A2M: variants seen among roughly 807,000 people sequenced by gnomAD.
The protein encoded by A2M is alpha-2-macroglobulin.
Under a neutral mutation model 183.9 loss-of-function variants are expected in A2M, and 128 were observed. The ratio of observed to expected loss-of-function variants is 0.70; its 90% CI spans 0.60 to 0.81. A2M has a LOEUF of 0.81. A2M is among the 30% of genes least tolerant of loss of function. The pLI is 0.00. For missense variants in A2M, 1,495 were observed against 1,787.6 expected (o/e 0.84, Z 2.95); for synonymous variants, 592 against 670.8 (o/e 0.88, Z 1.81).
Position 9,079,744 on chromosome 12 carries a change from T to G in A2M, c.2926A>C (p.Asn976His). 6.2e-7 allele frequency: 1 copy of G among 1,613,746 alleles called. No homozygotes were observed. The highest frequency in any genetic ancestry group is 1.3e-5 in the African/African-American group (1 of 75,040). ...ATGTTAGGAGCAAAGAGGACCATAT[T>G]CTGCTCTCCACAGCCATAGGGCATC... The part of the protein sequence containing the change: ...LQMPYGCGEQ[N>H]MVLFAPNIYV... Residue 976 changes from asparagine (N) to histidine (H), a missense_variant, in exon 24 of 36, where the codon AAT becomes CAT. Transcript: ENST00000318602.
intron 22 of A2M, 70 bp from the exon 23 acceptor site, chr12:9,080,247 C>T (rs1418460114): frequency 3.1e-5 from 34 of 1,094,298 alleles, no homozygotes; most frequent in Non-Finnish European, 4.5e-5. Context: ...AGCTCTATGA[C>T]CCAGAAGCTA....
Position 9,091,351 on chromosome 12 carries a change from A to G in A2M, c.2319T>C (p.Ser773=), listed in dbSNP as rs773305835. 10 of 1,614,068 alleles carry G rather than the reference A, an allele frequency of 6.2e-6. No homozygotes were observed. The highest frequency in any genetic ancestry group is 3.3e-5 in the Admixed American group (2 of 60,006). The change falls in exon 19 of 36, where the codon TCT becomes TCC. Residue 773 remains serine (S), a synonymous_variant. Coordinates refer to ENST00000318602, the MANE Select transcript of A2M (RefSeq NM_000014.6). ...TEWKAGAFCL[S]EDAGLGISST... ...AAGAGATACCAAGTCCAGCATCTTC[A>G]GACAGGCAGAAGGCCCCTGCCTTCC...
At position 9,068,776 on chromosome 12, in the gene A2M, G is replaced by T. The variant is rs2137612235; in HGVS notation, c.4330C>A (p.Pro1444Thr). ...LQDVPVRDLK[P>T]AIVKVYDYYE... ...TAATCATAGACTTTCACTATGGCTG[G>T]TTTCAGATCTCTTACTGGGACATCT... Residue 1444 changes from proline to threonine, a missense_variant, in exon 34 of 36, where the codon CCA (proline) becomes ACA (threonine). By Grantham distance (38) the Pro-to-Thr change is conservative (BLOSUM62 -1). Transcript: ENST00000318602. The T allele has an allele frequency of 1.2e-6, 2 of 1,609,068 alleles. No individual in the cohort carries two copies. Among genetic ancestry groups the T allele is most frequent in the East Asian group, 2.2e-5 (1 of 44,810 alleles).
chr12:9,092,485 G>A (rs996409750), intron 18 of A2M, among the ~76,000 whole-genome samples: 6 of 152,152 alleles, frequency 3.9e-5, no homozygotes, highest in Admixed American at 2.6e-4. Flanking sequence ...TAAGGGTTGG[G>A]CTTCTAAACA....
chr12:9,084,131 C>T (rs1294626941), intron 22 of A2M, among the ~76,000 whole-genome samples: 4 of 152,034 alleles, frequency 2.6e-5, no homozygotes, highest in Non-Finnish European at 4.4e-5. Context: ...AAAACATTCC[C>T]AGACAAACTA....
chr12:9,090,718 G>A (rs1323406152), intron 19 of A2M, among the ~76,000 whole-genome samples: 2 of 152,168 alleles, frequency 1.3e-5, no homozygotes, highest in Non-Finnish European at 2.9e-5. Flanking sequence ...GGGACCAGAG[G>A]AAGGGAAAGG....
intron 29 of A2M, among the ~76,000 whole-genome samples, 158 bp downstream of exon 29, chr12:9,074,402 A>G (rs1007941957): frequency 1.4e-4 from 22 of 152,012 alleles, no homozygotes; most frequent in Non-Finnish European, 2.6e-4. Context: ...TTTGACTTTG[A>G]TTTGCTTTTA....
intron 3 of A2M, 41 bp from the exon 4 acceptor site, chr12:9,112,252 T>C: frequency 6.2e-7 from 1 of 1,612,508 alleles, no homozygotes. Context: ...AAACCCAAAG[T>C]AGGCCTGTAG....
At chr12:9,112,035 A>G in intron 4 of A2M, 124 bp downstream of exon 4, 1 of 907,752 alleles carries the variant, frequency 1.1e-6, no homozygotes, top group Non-Finnish European at 1.9e-6. Context: ...GTGCTGTTGT[A>G]ATGCCAGAAG....
At chr12:9,111,929 A>G in intron 4 of A2M, 2 of 674,002 alleles carry the variant, frequency 3.0e-6, no homozygotes, top group Non-Finnish European at 5.6e-6. Context: ...TCCGAAAAGT[A>G]AATTTAATTG....
chr12:9,103,934 T>A (rs534098329), intron 11 of A2M, among the ~76,000 whole-genome samples: 48 of 152,196 alleles, frequency 3.2e-4, no homozygotes, highest in Non-Finnish European at 5.6e-4. Context: ...TGTCCAGAAG[T>A]AGGATTACTG....
rs146811318 is a variant in A2M at position 9,088,069 on chromosome 12, C to A, written c.2770+1131G>T. Reference sequence around the variant, plus strand: ...GATCTACAATTTAACATAGGTAAATCTCCAAGACAGGATGCTGAGTGAAAA... The same window carrying A: ...GATCTACAATTTAACATAGGTAAATATCCAAGACAGGATGCTGAGTGAAAA... On this transcript the variant is annotated intron_variant, in intron 22 of 35. Transcript: ENST00000318602. Among the ~76,000 whole-genome samples, 11 of 152,172 alleles carry A rather than the reference C, an allele frequency of 7.2e-5. No individual in the cohort carries two copies. In the East Asian group the frequency reaches 2.1e-3, roughly 29 times the overall value.
chr12:9,114,416 A>G (rs1215426358), intron 1 of A2M, among the ~76,000 whole-genome samples: 2 of 152,258 alleles, frequency 1.3e-5, no homozygotes, highest in East Asian at 3.9e-4. Context: ...ATTATTTTTG[A>G]TGATATTTTA....
chr12:9,112,723 G>T lies in A2M; in HGVS notation c.271-187C>A, dbSNP rs56256934. The T allele has an allele frequency of 0.17, 101,760 of 597,246 alleles. 10,845 individuals are homozygous for T. Among genetic ancestry groups the T allele is most frequent in the African/African-American group, 0.4 (21,740 of 53,714 alleles). 37.0% of individuals were successfully genotyped at this position (597,246 alleles called of 1,614,324 possible). ...TTACAAATGGGGAGACAGGACACAA[G>T]GTGGAGGAAAATAAATCAGTAAGAG... On this transcript the variant is annotated intron_variant, in intron 2 of 35. Coordinates refer to ENST00000318602, the MANE Select transcript of A2M (RefSeq NM_000014.6).
intron 13 of A2M, 92 bp downstream of exon 13, chr12:9,101,051 TG>T (rs1253662862): frequency 8.3e-7 from 1 of 1,207,360 alleles, no homozygotes; most frequent in Non-Finnish European, 1.2e-6. Context: ...CAAAAACCTA[TG>T]GAAAAAAAGG....
intron 22 of A2M, among the ~76,000 whole-genome samples, chr12:9,086,289 T>C (rs946904225): frequency 6.6e-6 from 1 of 152,138 alleles, no homozygotes; most frequent in African/African-American, 2.4e-5. Flanking sequence ...CACCTGTGGG[T>C]GGCTGAGGTG....
chr12:9,113,950 A>G (rs1350342917), intron 1 of A2M, among the ~76,000 whole-genome samples: 1 of 152,222 alleles, frequency 6.6e-6, no homozygotes, highest in Non-Finnish European at 1.5e-5. Flanking sequence ...TAGAATTTTC[A>G]TTAAAATATA....
intron 31 of A2M, among the ~76,000 whole-genome samples, chr12:9,070,977 C>T (rs138019691): frequency 6.6e-5 from 10 of 152,286 alleles, no homozygotes; most frequent in African/African-American, 2.2e-4. Context: ...TGCACCACCA[C>T]GTCCGACTAA....
chr12:9,109,990 C>T lies in A2M; in HGVS notation c.550G>A (p.Glu184Lys), dbSNP rs776266925. 2 of 1,613,792 alleles carry T rather than the reference C, an allele frequency of 1.2e-6. No homozygotes were observed. Among genetic ancestry groups the T allele is most frequent in the South Asian group, 2.2e-5 (2 of 91,048 alleles). The change falls in exon 6 of 36, where the codon GAG becomes AAG. Residue 184 changes from glutamate to lysine, a missense_variant. Glu to Lys is a moderately conservative substitution (Grantham distance 56). Coordinates refer to ENST00000318602, the MANE Select transcript of A2M (RefSeq NM_000014.6). ...AAAGAAAATTGCTTGAGGCCACCCT[C>T]TAACTGGAAACTCTGCCATTGTGCG... ...RIAQWQSFQL[E>K]GGLKQFSFPL... is the part of the protein sequence containing the mutation.
Sources: allele counts gnomAD v4.1 joint callset (sites outside exome capture counted in the v4.1 genomes callset), GRCh38; gene constraint gnomAD v4.1.1; transcripts MANE v1.5; gene names NCBI Gene and HGNC (gene_info 2026-07-23, HGNC 2026-07-21).